TBPL1: variants seen among roughly 807,000 people sequenced by gnomAD.
TBPL1 encodes the protein TATA box-binding protein-like 1.
TBPL1 carries 4 observed loss-of-function variants against 22.1 expected under a neutral mutation model. The observed-to-expected ratio is 0.18, with a 90% CI of 0.09 to 0.41. The LOEUF (loss-of-function observed/expected upper bound fraction) is 0.41, where lower values mean the gene tolerates loss of function less well. Ranked by LOEUF, TBPL1 falls within the 10% of genes least tolerant of loss-of-function variation. The pLI, the probability that TBPL1 is intolerant of heterozygous loss-of-function variation, is 1.00. For missense variants in TBPL1, 115 were observed against 222.3 expected, an observed-to-expected ratio of 0.52 and a Z score of 3.07; for synonymous variants, 64 against 71.0, an observed-to-expected ratio of 0.90 and a Z score of 0.50.
Position 133,984,656 on chromosome 6 carries a change from A to G in TBPL1, c.466A>G (p.Ser156Gly). 6.2e-7 allele frequency: 1 copy of G among 1,611,348 alleles called. No homozygotes were observed. The highest frequency in any genetic ancestry group is 8.5e-7 in the Non-Finnish European group (1 of 1,178,910). Residue 156 changes from serine to glycine, a missense_variant, in exon 6 of 7, where the codon AGT (serine) becomes GGT (glycine). Physicochemically the swap from Ser to Gly is moderately conservative, Grantham distance 56 (BLOSUM62 0). Coordinates refer to ENST00000237264, the MANE Select transcript of TBPL1 (RefSeq NM_004865.4). Reference sequence around the variant, plus strand: ...TACATTACAGATTTTTTCAACAGGAAGTATCACAGTAACAGGTATTCTATG... The same window carrying G: ...TACATTACAGATTTTTTCAACAGGAGGTATCACAGTAACAGGTATTCTATG... ...RATLQIFSTG[S>G]ITVTGPNVKA...
intron 1 of TBPL1, among the ~76,000 whole-genome samples, chr6:133,957,981 C>T (rs1199170085): frequency 1.3e-5 from 2 of 152,162 alleles, no homozygotes; most frequent in Non-Finnish European, 2.9e-5. Context: ...TTCTTTCTTT[C>T]TGTTCACTGA....
At chr6:133,969,465 T>G (rs1411791334) in intron 1 of TBPL1, among the ~76,000 whole-genome samples, 1 of 152,196 alleles carries the variant, frequency 6.6e-6, no homozygotes, top group African/African-American at 2.4e-5. Context: ...TAGGTAGTCA[T>G]ATGTAATGAA....
chr6:133,970,262 T>C (rs1336750346), intron 1 of TBPL1, among the ~76,000 whole-genome samples: 1 of 152,248 alleles, frequency 6.6e-6, no homozygotes, highest in African/African-American at 2.4e-5. Flanking sequence ...ACTGTTTTTA[T>C]ATCTCACACC....
intron 1 of TBPL1, among the ~76,000 whole-genome samples, chr6:133,974,438 A>G (rs1389917749): frequency 1.3e-5 from 2 of 152,092 alleles, no homozygotes; most frequent in African/African-American, 4.8e-5. Context: ...GGTTCAAGCA[A>G]TTCTCCTTCC....
At chr6:133,966,761 C>G (rs2114343217) in intron 1 of TBPL1, among the ~76,000 whole-genome samples, 1 of 152,246 alleles carries the variant, frequency 6.6e-6, no homozygotes, top group East Asian at 1.9e-4. Context: ...TCAGAAAATT[C>G]TGTTCACTCT....
intron 1 of TBPL1, among the ~76,000 whole-genome samples, chr6:133,963,307 A>G (rs981655889): frequency 6.6e-6 from 1 of 152,202 alleles, no homozygotes; most frequent in South Asian, 2.1e-4. Flanking sequence ...CTGACTACCC[A>G]TTAGAAACAT....
At chr6:133,967,764 G>C (rs1039445734) in intron 1 of TBPL1, among the ~76,000 whole-genome samples, 9 of 152,194 alleles carry the variant, frequency 5.9e-5, no homozygotes, top group Non-Finnish European at 1.2e-4. Flanking sequence ...GCACATGACT[G>C]TGTTTGAAAA....
chr6:133,972,211 A>T, intron 1 of TBPL1, among the ~76,000 whole-genome samples: 1 of 152,224 alleles, frequency 6.6e-6, no homozygotes, highest in East Asian at 1.9e-4. Context: ...CTCTAAAAAA[A>T]GTCTGTCTAC....
At position 133,959,647 on chromosome 6, in the gene TBPL1, A is replaced by C. The variant is rs187835270; in HGVS notation, c.-45+6222A>C. On this transcript the variant is annotated intron_variant, in intron 1 of 6. Coordinates refer to ENST00000237264, the MANE Select transcript of TBPL1 (RefSeq NM_004865.4). ...CAGGCACCCACCACCACACCTGGCC[A>C]TTTTTTTGTATTTTTAGTAGAGATG... Among the ~76,000 whole-genome samples, 754 of 151,726 alleles carry C rather than the reference A, an allele frequency of 5.0e-3. 9 individuals are homozygous for C. The highest frequency in any genetic ancestry group is 0.017 in the African/African-American group (714 of 41,396).
intron 1 of TBPL1, among the ~76,000 whole-genome samples, chr6:133,960,023 C>T (rs1052837072): frequency 1.3e-5 from 2 of 152,252 alleles, no homozygotes; most frequent in South Asian, 2.1e-4. Flanking sequence ...TCTGGTGAGC[C>T]GCAAGCGTTT....
At chr6:133,975,891 T>C (rs1205181344) in intron 1 of TBPL1, among the ~76,000 whole-genome samples, 2 of 152,218 alleles carry the variant, frequency 1.3e-5, no homozygotes. Flanking sequence ...ATGTTCATTG[T>C]GTTCTTTTTG....
chr6:133,975,272 A>G (rs1390086958), intron 1 of TBPL1, among the ~76,000 whole-genome samples: 2 of 152,164 alleles, frequency 1.3e-5, no homozygotes, highest in Non-Finnish European at 2.9e-5. Flanking sequence ...TATTAAGACA[A>G]CCATGAAGAA....
chr6:133,983,744 A>G (rs181499721), intron 4 of TBPL1, among the ~76,000 whole-genome samples: 3 of 152,016 alleles, frequency 2.0e-5, no homozygotes, highest in Non-Finnish European at 4.4e-5. Flanking sequence ...ATGAGATGAA[A>G]CGAAGATGTT....
chr6:133,985,337 T>A (rs9399084), intron 6 of TBPL1, among the ~76,000 whole-genome samples: 1 of 55,038 alleles, frequency 1.8e-5, no homozygotes, highest in Non-Finnish European at 4.1e-5. Context: ...TATATATATA[T>A]ACACACATAT....
chr6:133,956,592 G>T (rs533309202), intron 1 of TBPL1, among the ~76,000 whole-genome samples: 1 of 152,308 alleles, frequency 6.6e-6, no homozygotes, highest in Non-Finnish European at 1.5e-5. Context: ...CCTGCCCTGT[G>T]TGTGTATTTT....
At chr6:133,964,851 T>C (rs1776091197) in intron 1 of TBPL1, among the ~76,000 whole-genome samples, 1 of 152,200 alleles carries the variant, frequency 6.6e-6, no homozygotes, top group African/African-American at 2.4e-5. Flanking sequence ...TTGTCTATGC[T>C]AGAGCATTTT....
chr6:133,958,758 A>G (rs993268000), intron 1 of TBPL1, among the ~76,000 whole-genome samples: 2 of 152,068 alleles, frequency 1.3e-5, no homozygotes. Context: ...TAAAATATAT[A>G]CTATAGAGGT....
At chr6:133,960,286 TTACTC>T (rs1359264469) in intron 1 of TBPL1, among the ~76,000 whole-genome samples, 2 of 152,178 alleles carry the variant, frequency 1.3e-5, no homozygotes, top group African/African-American at 4.8e-5. Flanking sequence ...ACTCTGTTCT[TTACTC>T]TTCTTTTGTA....
intron 1 of TBPL1, among the ~76,000 whole-genome samples, chr6:133,956,768 A>T (rs186030519): frequency 3.6e-4 from 55 of 152,340 alleles, no homozygotes; most frequent in Non-Finnish European, 5.9e-4. Context: ...ACACTTTCTC[A>T]AGCATGATTA....
Sources: gnomAD v4.1 joint callset for allele counts (sites outside exome capture counted in the v4.1 genomes callset) on GRCh38, gnomAD v4.1.1 for gene constraint, MANE v1.5 for transcripts, NCBI Gene and HGNC (gene_info 2026-07-23, HGNC 2026-07-21) for gene names.